STK3: variants seen among roughly 807,000 people sequenced by gnomAD.
The protein encoded by STK3 is serine/threonine kinase 3.
A neutral mutation model predicts 58.0 loss-of-function variants in STK3; 41 were observed. The ratio of observed to expected loss-of-function variants is 0.71; its 90% CI spans 0.55 to 0.92. The LOEUF (loss-of-function observed/expected upper bound fraction) is 0.92, where lower values mean the gene tolerates loss of function less well. STK3 is among the 40% of genes least tolerant of loss of function. STK3 has a pLI of 0.00. For synonymous variants in STK3, 170 were observed against 191.0 expected, an observed-to-expected ratio of 0.89 and a Z score of 0.91; for missense variants, 479 against 602.7, an observed-to-expected ratio of 0.79 and a Z score of 2.15.
At chr8:98,654,210 G>A (rs201006537) in intron 6 of STK3, among the ~76,000 whole-genome samples, 1 of 152,068 alleles carries the variant, frequency 6.6e-6, no homozygotes, top group African/African-American at 2.4e-5. Flanking sequence ...ATCCAGCACA[G>A]AAACAGAACC....
At chr8:98,728,797 T>C (rs1006978430) in intron 4 of STK3, among the ~76,000 whole-genome samples, 4 of 152,198 alleles carry the variant, frequency 2.6e-5, no homozygotes, top group Non-Finnish European at 4.4e-5. Flanking sequence ...GAGCACTTTA[T>C]TGAACAGAAA....
At chr8:98,763,897 A>C (rs995832350) in intron 3 of STK3, among the ~76,000 whole-genome samples, 9 of 152,062 alleles carry the variant, frequency 5.9e-5, no homozygotes, top group Non-Finnish European at 1.3e-4. Context: ...CTGGTGTTGA[A>C]CTCCTGACCT....
At chr8:98,931,879 T>A (rs943111709) in intron 1 of STK3, among the ~76,000 whole-genome samples, 1 of 152,212 alleles carries the variant, frequency 6.6e-6, no homozygotes, top group Non-Finnish European at 1.5e-5. Flanking sequence ...TAATGAATGG[T>A]CCCTCTTGCT....
At chr8:98,931,493 G>A (rs1333202555) in intron 1 of STK3, among the ~76,000 whole-genome samples, 3 of 152,180 alleles carry the variant, frequency 2.0e-5, no homozygotes, top group Non-Finnish European at 4.4e-5. Flanking sequence ...TAAAACAAAA[G>A]GAAGAGGAGA....
rs552478031 is a variant in STK3 at position 98,650,884 on chromosome 8, C to T, written c.685-54715G>A. Reference sequence around the variant, plus strand: ...ACCACAGCTCAAGGAGGCCTGCCTGCCTCTGTAGGCTGCACCTCTGGAGGA... The same window carrying T: ...ACCACAGCTCAAGGAGGCCTGCCTGTCTCTGTAGGCTGCACCTCTGGAGGA... On this transcript the variant is annotated intron_variant, in intron 6 of 10. Transcript: ENST00000419617. Among the ~76,000 whole-genome samples the T allele has an allele frequency of 2.6e-5, 4 of 152,342 alleles. No individual in the cohort carries two copies. The South Asian group carries it at 8.3e-4, about 32-fold the overall frequency.
intron 9 of STK3, among the ~76,000 whole-genome samples, chr8:98,545,434 T>C (rs1271261568): frequency 6.6e-6 from 1 of 152,196 alleles, no homozygotes; most frequent in Admixed American, 6.5e-5. Context: ...AAAGTTATTC[T>C]TGGGACATGC....
intron 6 of STK3, among the ~76,000 whole-genome samples, chr8:98,618,477 G>T (rs1269180942): frequency 6.6e-6 from 1 of 151,940 alleles, no homozygotes; most frequent in Non-Finnish European, 1.5e-5. Flanking sequence ...AATCAGGCAG[G>T]AGAAGGAAAT....
At chr8:98,357,464 A>C in the STK3 span, among the ~76,000 whole-genome samples, 1 of 152,174 alleles carries the variant, frequency 6.6e-6, no homozygotes, top group Non-Finnish European at 1.5e-5. Context: ...CGGGATTCAT[A>C]CCTCAGTGCA....
At chr8:98,905,653 G>C in intron 1 of STK3, 1 of 782,774 alleles carries the variant, frequency 1.3e-6, no homozygotes, top group East Asian at 2.6e-5. Flanking sequence ...GCAGGTTTCT[G>C]ATGAACAGCT....
At chr8:98,584,379 G>C (rs1487896566) in intron 7 of STK3, among the ~76,000 whole-genome samples, 2 of 151,686 alleles carry the variant, frequency 1.3e-5, no homozygotes, top group East Asian at 3.9e-4. Context: ...ATAGTTTACT[G>C]AGAATGATGA....
intron 1 of STK3, among the ~76,000 whole-genome samples, chr8:98,892,364 C>G (rs138139296): frequency 2.0e-5 from 3 of 152,316 alleles, no homozygotes; most frequent in Non-Finnish European, 4.4e-5. Flanking sequence ...ACTGCAACTG[C>G]AACAAATGTG....
At chr8:98,459,299 T>A (rs1819750997) in intron 10 of STK3, among the ~76,000 whole-genome samples, 1 of 152,218 alleles carries the variant, frequency 6.6e-6, no homozygotes, top group Non-Finnish European at 1.5e-5. Context: ...TGATAGGGTA[T>A]CTGGGGGAAT....
the STK3 span, among the ~76,000 whole-genome samples, chr8:98,350,830 T>G: frequency 6.6e-6 from 1 of 152,144 alleles, no homozygotes; most frequent in Non-Finnish European, 1.5e-5. Context: ...CCACAACATG[T>G]GGGAATTATG....
intron 1 of STK3, among the ~76,000 whole-genome samples, chr8:98,824,154 CT>C (rs1402356936): frequency 1.3e-5 from 2 of 152,178 alleles, no homozygotes; most frequent in Non-Finnish European, 2.9e-5. Flanking sequence ...TTCAAAAATG[CT>C]TTTGCGGCAT....
At chr8:98,797,827 G>C (rs1160757389) in intron 1 of STK3, among the ~76,000 whole-genome samples, 1 of 152,078 alleles carries the variant, frequency 6.6e-6, no homozygotes, top group Non-Finnish European at 1.5e-5. Context: ...GCATTTTCCA[G>C]GCAGATGCCA....
At chr8:98,841,520 T>A (rs1388790204) in intron 3 of STK3, among the ~76,000 whole-genome samples, 24 of 151,154 alleles carry the variant, frequency 1.6e-4, no homozygotes, top group Admixed American at 1.6e-3. Context: ...TTAAGAACTC[T>A]AAAAAAAGAA....
At chr8:98,622,647 A>C (rs1367563617) in intron 6 of STK3, among the ~76,000 whole-genome samples, 1 of 152,228 alleles carries the variant, frequency 6.6e-6, no homozygotes, top group Non-Finnish European at 1.5e-5. Context: ...AGAATTCCCT[A>C]CAATTGCTAC....
chr8:98,610,194 GA>G (rs35430518), intron 6 of STK3, among the ~76,000 whole-genome samples: 106,133 of 145,964 alleles, frequency 0.73, 39,006 homozygotes, highest in African/African-American at 0.91. Flanking sequence ...TTTCAAAACA[GA>G]AAAAAAAAAA....
intron 1 of STK3, among the ~76,000 whole-genome samples, chr8:98,918,533 G>A (rs1220945458): frequency 6.6e-6 from 1 of 152,162 alleles, no homozygotes; most frequent in Non-Finnish European, 1.5e-5. Context: ...ACTTTGGGAG[G>A]CCTAGGCAGG....
Sources: allele counts gnomAD v4.1 joint callset (sites outside exome capture counted in the v4.1 genomes callset), GRCh38; gene constraint gnomAD v4.1.1; transcripts MANE v1.5; gene names NCBI Gene and HGNC (gene_info 2026-07-23, HGNC 2026-07-21).